TRPC7: variants seen among roughly 807,000 people sequenced by gnomAD.
The protein encoded by TRPC7 is transient receptor potential cation channel subfamily C member 7, also known as short transient receptor potential channel 7.
Under a neutral mutation model 90.1 loss-of-function variants are expected in TRPC7, and 42 were observed. The ratio of observed to expected loss-of-function variants is 0.47; its 90% CI spans 0.36 to 0.60. The LOEUF is 0.60. Ranked by LOEUF, TRPC7 falls within the 20% of genes least tolerant of loss-of-function variation. The pLI, the probability that TRPC7 is intolerant of heterozygous loss-of-function variation, is 0.00. For missense variants in TRPC7, 955 were observed against 1,112.3 expected, an observed-to-expected ratio of 0.86 and a Z score of 2.01; for synonymous variants, 451 against 436.3, an observed-to-expected ratio of 1.03 and a Z score of -0.42.
At chr5:136,345,572 T>A (rs1759980455) in intron 2 of TRPC7, among the ~76,000 whole-genome samples, 3 of 151,728 alleles carry the variant, frequency 2.0e-5, no homozygotes, top group East Asian at 3.9e-4. Context: ...AAAAAAAAAA[T>A]GAGTCCTTTG....
At chr5:136,215,505 C>A (rs2149791381) in intron 11 of TRPC7, among the ~76,000 whole-genome samples, 1 of 152,184 alleles carries the variant, frequency 6.6e-6, no homozygotes, top group Non-Finnish European at 1.5e-5. Flanking sequence ...CTGGTGGAAC[C>A]AATTCAATCA....
intron 3 of TRPC7, among the ~76,000 whole-genome samples, chr5:136,305,366 C>T (rs1297634170): frequency 1.3e-5 from 2 of 152,146 alleles, no homozygotes; most frequent in Non-Finnish European, 2.9e-5. Context: ...GCCACTAGCC[C>T]ACCTCTCAGA....
chr5:136,245,990 C>G (rs757129654), intron 7 of TRPC7, among the ~76,000 whole-genome samples: 5 of 152,138 alleles, frequency 3.3e-5, no homozygotes, highest in Non-Finnish European at 7.4e-5. Flanking sequence ...GATGGCTGGC[C>G]CTCCAGGAGA....
intron 3 of TRPC7, among the ~76,000 whole-genome samples, chr5:136,307,474 G>A (rs2149835221): frequency 6.6e-6 from 1 of 152,324 alleles, no homozygotes; most frequent in East Asian, 1.9e-4. Flanking sequence ...AATCAGTTAA[G>A]TTTTGGAACC....
chr5:136,312,707 G>T (rs1758873222), intron 3 of TRPC7, among the ~76,000 whole-genome samples: 1 of 152,108 alleles, frequency 6.6e-6, no homozygotes, highest in South Asian at 2.1e-4. Flanking sequence ...ATGGAGGCTG[G>T]TGCTGTGACT....
intron 4 of TRPC7, among the ~76,000 whole-genome samples, chr5:136,270,539 C>A (rs1035043784): frequency 1.3e-5 from 2 of 152,116 alleles, no homozygotes; most frequent in African/African-American, 4.8e-5. Context: ...CGAGCCTGTT[C>A]GGGATATCTC....
intron 3 of TRPC7, among the ~76,000 whole-genome samples, chr5:136,287,908 C>G (rs1757785557): frequency 6.6e-6 from 1 of 151,948 alleles, no homozygotes; most frequent in Non-Finnish European, 1.5e-5. Context: ...GAAAAAGGTG[C>G]CCCCAGAATA....
intron 2 of TRPC7, among the ~76,000 whole-genome samples, chr5:136,334,615 C>A (rs1183814353): frequency 6.6e-6 from 1 of 152,218 alleles, no homozygotes; most frequent in African/African-American, 2.4e-5. Flanking sequence ...CTTTCACGCT[C>A]TGGGCTCCCA....
intron 2 of TRPC7, among the ~76,000 whole-genome samples, chr5:136,328,783 C>G (rs1213314180): frequency 6.6e-6 from 1 of 152,206 alleles, no homozygotes; most frequent in Non-Finnish European, 1.5e-5. Context: ...GCACAGATAA[C>G]TTGTCTATTT....
intron 7 of TRPC7, among the ~76,000 whole-genome samples, chr5:136,241,493 A>G (rs13183852): frequency 6.6e-6 from 1 of 151,474 alleles, no homozygotes; most frequent in African/African-American, 2.4e-5. Flanking sequence ...GGCCCCTCCT[A>G]TTCTCTGTGT....
At chr5:136,283,707 A>G (rs916332303) in intron 3 of TRPC7, among the ~76,000 whole-genome samples, 13 of 152,206 alleles carry the variant, frequency 8.5e-5, no homozygotes, top group Admixed American at 3.3e-4. Flanking sequence ...AACCTTGCTC[A>G]TGACTCACAC....
At chr5:136,342,223 TCCCCCC>T (rs1477736233) in intron 2 of TRPC7, among the ~76,000 whole-genome samples, 4 of 152,152 alleles carry the variant, frequency 2.6e-5, no homozygotes, top group African/African-American at 4.8e-5. Context: ...TCCTGCATGG[TCCCCCC>T]AGGGGCTGGG....
At chr5:136,271,661 C>CT (rs1450227224) in intron 4 of TRPC7, among the ~76,000 whole-genome samples, 26 of 152,226 alleles carry the variant, frequency 1.7e-4, no homozygotes, top group Non-Finnish European at 3.2e-4. Context: ...CTGAGCTCAA[C>CT]TAAGTTGGTG....
At chr5:136,355,531 G>A (rs1760338022) in intron 2 of TRPC7, among the ~76,000 whole-genome samples, 1 of 152,210 alleles carries the variant, frequency 6.6e-6, no homozygotes, top group Non-Finnish European at 1.5e-5. Flanking sequence ...AGGTGTGGTG[G>A]CTCACGCCTA....
chr5:136,292,698 C>T (rs1327063805), intron 3 of TRPC7, among the ~76,000 whole-genome samples: 1 of 151,942 alleles, frequency 6.6e-6, no homozygotes, highest in Non-Finnish European at 1.5e-5. Context: ...GATTCACAGC[C>T]GAATTCTACC....
chr5:136,245,633 C>A (rs1229738982), intron 7 of TRPC7, among the ~76,000 whole-genome samples: 1 of 152,088 alleles, frequency 6.6e-6, no homozygotes, highest in East Asian at 1.9e-4. Context: ...CCCCATTGAT[C>A]CTGGCTGCTG....
chr5:136,365,012 G>A (rs1760677923), intron 1 of TRPC7, among the ~76,000 whole-genome samples: 1 of 152,098 alleles, frequency 6.6e-6, no homozygotes, highest in African/African-American at 2.4e-5. Flanking sequence ...AAAAGGAATA[G>A]GCTACCGACA....
At chr5:136,267,059 A>T (rs1757057824) in intron 4 of TRPC7, among the ~76,000 whole-genome samples, 1 of 152,192 alleles carries the variant, frequency 6.6e-6, no homozygotes, top group Non-Finnish European at 1.5e-5. Flanking sequence ...GCTTTAAAAA[A>T]TTTGAATTTT....
At chr5:136,340,747 C>T (rs562502961) in intron 2 of TRPC7, among the ~76,000 whole-genome samples, 31 of 151,668 alleles carry the variant, frequency 2.0e-4, no homozygotes, top group Non-Finnish European at 4.3e-4. Context: ...TTGCAACACA[C>T]AAAATAGACA....
Sources: allele counts gnomAD v4.1 joint callset (sites outside exome capture counted in the v4.1 genomes callset), GRCh38; gene constraint gnomAD v4.1.1; transcripts MANE v1.5; gene names NCBI Gene and HGNC (gene_info 2026-07-23, HGNC 2026-07-21).